KDM1A: variants seen among roughly 807,000 people sequenced by gnomAD.
The protein encoded by KDM1A is lysine demethylase 1A, also known as lysine-specific histone demethylase 1A.
KDM1A carries 49 observed loss-of-function variants against 109.4 expected under a neutral mutation model. That is an observed-to-expected ratio of 0.45 (90% CI 0.36 to 0.57). The LOEUF is 0.57. Among genes scored for constraint, KDM1A ranks in the 20% least tolerant of loss-of-function variants. The pLI is 0.00. For synonymous variants in KDM1A, 380 were observed against 415.4 expected, an observed-to-expected ratio of 0.91 and a Z score of 1.04; for missense variants, 668 against 1,116.6, an observed-to-expected ratio of 0.60 and a Z score of 5.73.
intron 2 of KDM1A, among the ~76,000 whole-genome samples, chr1:23,041,968 C>T (rs1247428238): frequency 3.3e-5 from 5 of 152,088 alleles, no homozygotes; most frequent in Admixed American, 2.6e-4. Flanking sequence ...GTAAGAAATC[C>T]ATCTTTTTTT....
intron 2 of KDM1A, among the ~76,000 whole-genome samples, chr1:23,034,638 T>C (rs572737399): frequency 5.3e-5 from 8 of 152,310 alleles, no homozygotes; most frequent in South Asian, 2.1e-4. Flanking sequence ...ATTTTTTTTT[T>C]CCCTCCACTG....
intron 9 of KDM1A, 27 bp from the exon 10 acceptor site, chr1:23,066,033 T>G (rs1643151051): frequency 6.2e-7 from 1 of 1,606,694 alleles, no homozygotes; most frequent in Admixed American, 1.7e-5. Context: ...TACAGTTTAT[T>G]TCTCTCTCTG....
intron 9 of KDM1A, among the ~76,000 whole-genome samples, chr1:23,061,660 C>CT (rs61084870): frequency 8.1e-6 from 1 of 123,222 alleles, no homozygotes; most frequent in East Asian, 2.3e-4. Context: ...ATAAACTAGC[C>CT]TTTTTTTTTT....
In KDM1A at chr1:23,081,510, T is replaced by C. The variant is rs1261150952; in HGVS notation, c.2235T>C (p.Asp745=). Residue 745 remains aspartate, a synonymous_variant, in exon 19 of 21, where the codon GAT becomes GAC. Transcript: ENST00000400181. ...GTATCATGGAAAACATAAGTGACGATGTGATTGTTGGCCGATGCCTGGCCA... is the reference window on the plus strand; with the variant it reads ...GTATCATGGAAAACATAAGTGACGACGTGATTGTTGGCCGATGCCTGGCCA... ...AAGIMENISD[D]VIVGRCLAIL... is the part of the protein sequence containing the mutation. 3 of 1,614,172 alleles carry C rather than the reference T, an allele frequency of 1.9e-6. No homozygotes were observed. The highest frequency in any genetic ancestry group is 1.1e-5 in the South Asian group (1 of 91,082).
chr1:23,032,095 C>G (rs1023712042), intron 2 of KDM1A, among the ~76,000 whole-genome samples: 2 of 152,130 alleles, frequency 1.3e-5, no homozygotes, highest in Non-Finnish European at 1.5e-5. Flanking sequence ...TACCTTTCTT[C>G]TACCTTTGCT....
intron 3 of KDM1A, among the ~76,000 whole-genome samples, chr1:23,049,066 C>T (rs1486670764): frequency 3.4e-5 from 5 of 148,358 alleles, no homozygotes; most frequent in African/African-American, 1.2e-4. Flanking sequence ...GCAGGAGAAT[C>T]GCCTGAACCC....
intron 1 of KDM1A, among the ~76,000 whole-genome samples, chr1:23,027,801 T>C (rs1336670089): frequency 1.3e-5 from 2 of 151,702 alleles, no homozygotes; most frequent in Non-Finnish European, 2.9e-5. Context: ...AACTTCATTC[T>C]GAAGTCTACC....
chr1:23,019,651 A>G lies in KDM1A; in HGVS notation c.55A>G (p.Thr19Ala), dbSNP rs757056078. Residue 19 changes from threonine (T) to alanine (A), a missense_variant, in exon 1 of 21, where the codon ACC (threonine) becomes GCC (alanine). Transcript: ENST00000400181. ...AAAAAAAAAATGTEAGPGTAG... is the reference protein window; with the variant it reads ...AAAAAAAAAAAGTEAGPGTAG... The stretch of plus-strand genomic sequence containing the variant: ...GGCGGCGGCGGCTGCAGCGGCAGCA[A>G]CCGGGACGGAGGCTGGCCCTGGGAC... 4.3e-6 allele frequency: 6 copies of G among 1,408,982 alleles called. No homozygotes were observed. Among genetic ancestry groups the G allele is most frequent in the East Asian group, 3.0e-5 (1 of 33,638 alleles). The allele number at this position is 1,408,982 out of a possible 1,614,324, so 87.3% of individuals were successfully genotyped here. A position where few individuals can be genotyped will look rare whatever the true frequency, so the allele number is the denominator to read the frequency against.
intron 3 of KDM1A, among the ~76,000 whole-genome samples, chr1:23,046,315 C>T (rs1476247192): frequency 6.6e-6 from 1 of 152,146 alleles, no homozygotes; most frequent in African/African-American, 2.4e-5. Flanking sequence ...TTTCTCTCTC[C>T]TCCCCCTATT....
chr1:23,048,634 G>A (rs765383041), intron 3 of KDM1A, among the ~76,000 whole-genome samples: 7 of 152,022 alleles, frequency 4.6e-5, no homozygotes, highest in Non-Finnish European at 1.0e-4. Flanking sequence ...GGCATTAGGC[G>A]TTTTTGCTTG....
chr1:23,041,744 AGTTTCATTTCTTTT>A lies in KDM1A; in HGVS notation c.518-2682_518-2669del, dbSNP rs1442862897. On this transcript the variant is annotated intron_variant, in intron 2 of 20. Transcript: ENST00000400181. Reference sequence around the variant, plus strand: ...GCGTGAGCCACTGTGCCCAGCCTGGAGTTTCATTTCTTTTTTGACATTTTGTTGTTATGGGATCC... The same window carrying A: ...GCGTGAGCCACTGTGCCCAGCCTGGATTGACATTTTGTTGTTATGGGATCC... Among the ~76,000 whole-genome samples, 6 of 151,796 alleles carry A rather than the reference AGTTTCATTTCTTTT, an allele frequency of 4.0e-5. No homozygotes were observed. The South Asian group carries it at 1.2e-3, about 32-fold the overall frequency.
At chr1:23,082,854 G>A in intron 20 of KDM1A, 1 of 232,502 alleles carries the variant, frequency 4.3e-6, no homozygotes, top group South Asian at 8.4e-5. Context: ...CAAATGTCCT[G>A]TGCTTCAGGG....
At chr1:23,036,179 A>T (rs907497861) in intron 2 of KDM1A, among the ~76,000 whole-genome samples, 1 of 152,018 alleles carries the variant, frequency 6.6e-6, no homozygotes, top group East Asian at 1.9e-4. Context: ...AGAGAGAAGG[A>T]CTAGCTTTCA....
In KDM1A at chr1:23,083,640, G is replaced by GGTTT. The variant is rs1444050955; in HGVS notation, c.*277_*280dup. On this transcript the variant is annotated 3_prime_UTR_variant, in exon 21 of 21. Transcript: ENST00000400181. ...ATCATCTTAGTCCCTTGGTGTGTGG[G>GGTTT]GTTTTTGTTTTTTTTTTATATTTTG... 3.5e-6 allele frequency: 1 copy of GGTTT among 283,062 alleles called. No homozygotes were observed. The highest frequency in any genetic ancestry group is 6.5e-6 in the Non-Finnish European group (1 of 154,926). The allele number at this position is 283,062 out of a possible 1,614,324, so 17.5% of individuals were successfully genotyped here.
intron 9 of KDM1A, among the ~76,000 whole-genome samples, chr1:23,063,209 T>C (rs147453274): frequency 3.9e-5 from 1 of 25,420 alleles, no homozygotes; most frequent in Non-Finnish European, 9.9e-5. Flanking sequence ...GGGGGGGGTG[T>C]GGTGTGGGGT....
In KDM1A at chr1:23,047,379, G is replaced by T. The variant is rs573530435; in HGVS notation, c.577+2893G>T. Among the ~76,000 whole-genome samples the T allele has an allele frequency of 3.9e-5, 6 of 152,216 alleles. No homozygotes were observed. In the East Asian group the frequency reaches 1.2e-3, roughly 29 times the overall value. On this transcript the variant is annotated intron_variant, in intron 3 of 20. Transcript: ENST00000400181. ...AAATGATATCAGAGTATTGAGAATA[G>T]CTAGTTTTCTTAGATGCTGTTTAGA...
intron 8 of KDM1A, among the ~76,000 whole-genome samples, chr1:23,058,797 C>T (rs1046236044): frequency 6.6e-6 from 1 of 152,142 alleles, no homozygotes; most frequent in African/African-American, 2.4e-5. Context: ...TATTATAAAA[C>T]AATACGTATT....
intron 1 of KDM1A, 127 bp from the exon 2 acceptor site, chr1:23,030,342 C>T (rs1557505095): frequency 3.1e-6 from 2 of 637,372 alleles, no homozygotes; most frequent in South Asian, 4.0e-5. Flanking sequence ...CTGCCTTGTT[C>T]CTTGTTGTAT....
intron 8 of KDM1A, 145 bp from the exon 9 acceptor site, chr1:23,058,924 TTTAC>T (rs1019701196): frequency 2.1e-6 from 1 of 467,880 alleles, no homozygotes; most frequent in Non-Finnish European, 3.7e-6. Context: ...CTTACATATT[TTTAC>T]TTAGAGTGCT....
Sources: allele counts gnomAD v4.1 joint callset (sites outside exome capture counted in the v4.1 genomes callset), GRCh38; gene constraint gnomAD v4.1.1; transcripts MANE v1.5; gene names NCBI Gene and HGNC (gene_info 2026-07-23, HGNC 2026-07-21).